Variants in FAM135A observed in about 807,000 individuals in gnomAD.
The protein encoded by FAM135A is protein FAM135A.
In FAM135A, 79 loss-of-function variants were observed where a neutral mutation model predicts 146.8. That is an observed-to-expected ratio of 0.54 (90% CI 0.45 to 0.65). FAM135A has a LOEUF of 0.65. FAM135A is among the 30% of genes least tolerant of loss of function. The probability of loss-of-function intolerance (pLI) is 0.00; values close to 1 mark genes in which losing one functional copy is unlikely to be tolerated. For synonymous variants in FAM135A, 562 were observed against 603.6 expected (o/e 0.93, Z 1.01); for missense variants, 1,623 against 1,758.2 (o/e 0.92, Z 1.38).
At chr6:70,497,444 AG>A (rs1394045503) in intron 11 of FAM135A, among the ~76,000 whole-genome samples, 2 of 152,218 alleles carry the variant, frequency 1.3e-5, no homozygotes, top group Admixed American at 1.3e-4. Flanking sequence ...ATCTGCAAAC[AG>A]GGACAGTTTG....
intron 4 of FAM135A, among the ~76,000 whole-genome samples, chr6:70,439,246 T>G (rs1773912092): frequency 6.6e-6 from 1 of 152,200 alleles, no homozygotes; most frequent in South Asian, 2.1e-4. Flanking sequence ...GGCAGTCAGG[T>G]TCAGTACTAT....
intron 4 of FAM135A, among the ~76,000 whole-genome samples, chr6:70,430,850 T>C (rs1233008400): frequency 6.6e-6 from 1 of 152,216 alleles, no homozygotes; most frequent in Non-Finnish European, 1.5e-5. Context: ...ATTCTGCTTA[T>C]AAAATGACTA....
intron 2 of FAM135A, among the ~76,000 whole-genome samples, chr6:70,418,666 T>C (rs1463276278): frequency 1.3e-5 from 2 of 152,202 alleles, no homozygotes; most frequent in African/African-American, 2.4e-5. Context: ...TGAGCATGTT[T>C]AGTCTCTGTA....
intron 12 of FAM135A, among the ~76,000 whole-genome samples, chr6:70,506,809 T>C (rs1398202214): frequency 6.6e-6 from 1 of 151,634 alleles, no homozygotes; most frequent in East Asian, 1.9e-4. Context: ...TTAAAAACTA[T>C]GTTTTACTAG....
chr6:70,536,503 G>A (rs34238069), intron 19 of FAM135A, 92 bp downstream of exon 19: 183,007 of 1,054,272 alleles, frequency 0.17, 16,970 homozygotes, highest in Middle Eastern at 0.2. Flanking sequence ...GAACCAGTTT[G>A]TCACATACTG....
intron 13 of FAM135A, 96 bp from the exon 14 acceptor site, chr6:70,523,871 A>G: frequency 8.2e-7 from 1 of 1,219,114 alleles, no homozygotes; most frequent in South Asian, 1.5e-5. Flanking sequence ...GATGAGGGAT[A>G]GGAATTGAGG....
intron 12 of FAM135A, among the ~76,000 whole-genome samples, chr6:70,505,918 A>G (rs1022546214): frequency 2.6e-5 from 4 of 152,206 alleles, no homozygotes; most frequent in African/African-American, 7.2e-5. Context: ...TTAAAGGTCA[A>G]TCACCTTCTT....
chr6:70,432,743 T>C (rs541757415), intron 4 of FAM135A, among the ~76,000 whole-genome samples: 1 of 151,978 alleles, frequency 6.6e-6, no homozygotes, highest in Admixed American at 6.5e-5. Context: ...AATATTTTCT[T>C]CCCTTATATT....
intron 10 of FAM135A, among the ~76,000 whole-genome samples, chr6:70,489,288 TTATC>T (rs1379524584): frequency 1.3e-5 from 2 of 152,202 alleles, no homozygotes; most frequent in African/African-American, 4.8e-5. Flanking sequence ...AGCCACTGGT[TTATC>T]TAACAGTGAA....
intron 11 of FAM135A, among the ~76,000 whole-genome samples, chr6:70,501,041 C>T (rs528187606): frequency 2.6e-5 from 4 of 152,336 alleles, no homozygotes; most frequent in South Asian, 4.1e-4. Context: ...TCAGGATCAG[C>T]TGCTCTCTTT....
chr6:70,462,545 A>G, intron 5 of FAM135A, among the ~76,000 whole-genome samples: 1 of 152,118 alleles, frequency 6.6e-6, no homozygotes, highest in East Asian at 1.9e-4. Context: ...GAAGGTCTTA[A>G]TAAAAAAAAG....
chr6:70,446,010 A>C (rs183174346), intron 4 of FAM135A, among the ~76,000 whole-genome samples: 42 of 152,352 alleles, frequency 2.8e-4, no homozygotes, highest in Admixed American at 5.2e-4. Flanking sequence ...TCATCATTGA[A>C]ATCACAGAGC....
chr6:70,436,261 C>G (rs1773130640), intron 4 of FAM135A, among the ~76,000 whole-genome samples: 1 of 151,874 alleles, frequency 6.6e-6, no homozygotes, highest in Non-Finnish European at 1.5e-5. Context: ...AAGAAACTAC[C>G]TCAAATTTTT....
At chr6:70,462,983 T>A (rs1246344376) in intron 5 of FAM135A, among the ~76,000 whole-genome samples, 1 of 152,234 alleles carries the variant, frequency 6.6e-6, no homozygotes, top group African/African-American at 2.4e-5. Context: ...CACCAGCTTT[T>A]CAGGGCCTTC....
intron 2 of FAM135A, among the ~76,000 whole-genome samples, chr6:70,420,917 G>A (rs1460173729): frequency 3.3e-5 from 5 of 150,286 alleles, no homozygotes; most frequent in South Asian, 4.2e-4. Context: ...GAGTCTTACT[G>A]TGTCGCCCAG....
intron 16 of FAM135A, among the ~76,000 whole-genome samples, chr6:70,529,650 G>A (rs1336642565): frequency 6.6e-6 from 1 of 152,024 alleles, no homozygotes; most frequent in Non-Finnish European, 1.5e-5. Context: ...GAACAATGGA[G>A]AAAAAGATAG....
At chr6:70,514,458 C>G (rs1372830270) in intron 12 of FAM135A, among the ~76,000 whole-genome samples, 2 of 152,124 alleles carry the variant, frequency 1.3e-5, no homozygotes, top group African/African-American at 4.8e-5. Context: ...GCTTAGAATT[C>G]TAGTTTCTGA....
chr6:70,530,074 AT>A (rs1342815344), intron 16 of FAM135A, among the ~76,000 whole-genome samples: 1 of 150,984 alleles, frequency 6.6e-6, no homozygotes, highest in Non-Finnish European at 1.5e-5. Context: ...AAAAAAAAAA[AT>A]AATAATAATG....
At chr6:70,491,224 C>A in intron 11 of FAM135A, 141 bp downstream of exon 11, 2 of 635,944 alleles carry the variant, frequency 3.1e-6, no homozygotes, top group Non-Finnish European at 5.2e-6. Flanking sequence ...GGTAGAACCA[C>A]AACTTAGGTG....
Sources: gnomAD v4.1 joint callset for allele counts (sites outside exome capture counted in the v4.1 genomes callset) on GRCh38, gnomAD v4.1.1 for gene constraint, MANE v1.5 for transcripts, NCBI Gene and HGNC (gene_info 2026-07-23, HGNC 2026-07-21) for gene names.